The following DRC8 variants were observed in gnomAD, a reference collection of about 807,000 sequenced individuals.
DRC8 encodes the protein dynein regulatory complex protein 8.
chr1:245,014,660 G>A, the DRC8 span, among the ~76,000 whole-genome samples: 1 of 151,590 alleles, frequency 6.6e-6, no homozygotes, highest in Non-Finnish European at 1.5e-5. Flanking sequence ...GGAGTGAGGT[G>A]AGGTGGGGTG....
At chr1:245,107,926 C>T in the DRC8 span, among the ~76,000 whole-genome samples, 1 of 152,146 alleles carries the variant, frequency 6.6e-6, no homozygotes, top group African/African-American at 2.4e-5. Context: ...TCCGCGTCCT[C>T]CTGGAGGCTA....
At chr1:245,017,156 T>C in the DRC8 span, 1 of 1,273,818 alleles carries the variant, frequency 7.9e-7, no homozygotes, top group Non-Finnish European at 1.1e-6. Flanking sequence ...TGCTTACTTA[T>C]TAAGATTGCT....
the DRC8 span, among the ~76,000 whole-genome samples, chr1:245,028,165 A>G: frequency 1.3e-5 from 2 of 152,128 alleles, no homozygotes; most frequent in African/African-American, 4.8e-5. Context: ...TTGGGATTAG[A>G]GGCGTCAGCC....
the DRC8 span, among the ~76,000 whole-genome samples, chr1:245,069,380 C>T: frequency 5.9e-5 from 9 of 152,070 alleles, no homozygotes; most frequent in African/African-American, 1.2e-4. Flanking sequence ...ATAAAGGTCT[C>T]GTCCTCATTG....
At chr1:244,970,638 TCCGCC>T in the DRC8 span, 2,028 of 486,428 alleles carry the variant, frequency 4.2e-3, 69 homozygotes, top group African/African-American at 0.056. Context: ...GGCCCGCCGC[TCCGCC>T]CCGCCCCGCC....
the DRC8 span, among the ~76,000 whole-genome samples, chr1:245,040,451 G>C: frequency 6.6e-6 from 1 of 152,168 alleles, no homozygotes; most frequent in Non-Finnish European, 1.5e-5. Context: ...AGGAGTCAGA[G>C]GATAGGACCA....
At chr1:245,013,836 G>C in the DRC8 span, among the ~76,000 whole-genome samples, 1 of 151,882 alleles carries the variant, frequency 6.6e-6, no homozygotes, top group Admixed American at 6.6e-5. Flanking sequence ...TTTGAGACCA[G>C]TCTGACCAAT....
At chr1:245,070,970 A>G in the DRC8 span, among the ~76,000 whole-genome samples, 7 of 152,318 alleles carry the variant, frequency 4.6e-5, no homozygotes, top group African/African-American at 1.7e-4. Context: ...TCTGGGGGCC[A>G]CAGCATTCAA....
the DRC8 span, among the ~76,000 whole-genome samples, chr1:245,107,852 A>G: frequency 6.6e-6 from 1 of 152,096 alleles, no homozygotes; most frequent in Non-Finnish European, 1.5e-5. Context: ...TGGGCACAAT[A>G]GTCATCATCT....
chr1:245,067,287 C>T, the DRC8 span, among the ~76,000 whole-genome samples: 2 of 152,068 alleles, frequency 1.3e-5, no homozygotes, highest in Non-Finnish European at 2.9e-5. Context: ...CCAACATGAC[C>T]ACGCCTGGCC....
chr1:245,020,984 C>G, the DRC8 span, among the ~76,000 whole-genome samples: 430 of 152,078 alleles, frequency 2.8e-3, 4 homozygotes, highest in African/African-American at 0.01. Flanking sequence ...ACAGATTGAA[C>G]GCAGAACTAG....
chr1:244,976,110 A>G, the DRC8 span, among the ~76,000 whole-genome samples: 1 of 151,860 alleles, frequency 6.6e-6, no homozygotes, highest in Non-Finnish European at 1.5e-5. Flanking sequence ...CTCTACGAAA[A>G]ATACAAAAAT....
chr1:244,983,325 C>T, the DRC8 span, among the ~76,000 whole-genome samples: 2 of 152,038 alleles, frequency 1.3e-5, no homozygotes, highest in Non-Finnish European at 2.9e-5. Context: ...GGTTTTATGT[C>T]CAGCTTTTTT....
At chr1:245,061,747 G>C in the DRC8 span, among the ~76,000 whole-genome samples, 2 of 152,288 alleles carry the variant, frequency 1.3e-5, no homozygotes, top group Admixed American at 1.3e-4. Context: ...ATGTCATATT[G>C]CTAAATGTTC....
At chr1:245,105,630 A>G in the DRC8 span, among the ~76,000 whole-genome samples, 1 of 150,550 alleles carries the variant, frequency 6.6e-6, no homozygotes, top group Non-Finnish European at 1.5e-5. Flanking sequence ...CTCAAAAAAA[A>G]AAAAAAAACA....
At chr1:245,124,845 C>T in the DRC8 span, 1 of 152,344 alleles carries the variant, frequency 6.6e-6, no homozygotes, top group African/African-American at 2.4e-5. Flanking sequence ...CATCTCCACA[C>T]TCCAGTCTCC....
the DRC8 span, among the ~76,000 whole-genome samples, chr1:244,972,558 C>A: frequency 6.6e-5 from 10 of 152,216 alleles, no homozygotes; most frequent in Non-Finnish European, 4.4e-5. Flanking sequence ...CGGTGGCTCA[C>A]GCCTGCAATC....
chr1:245,118,621 G>A, the DRC8 span, among the ~76,000 whole-genome samples: 1 of 151,808 alleles, frequency 6.6e-6, no homozygotes, highest in Non-Finnish European at 1.5e-5. Context: ...GAGAAACCCC[G>A]TCTCTACTAA....
At chr1:245,019,844 A>C in the DRC8 span, among the ~76,000 whole-genome samples, 1 of 152,232 alleles carries the variant, frequency 6.6e-6, no homozygotes, top group Non-Finnish European at 1.5e-5. Context: ...GTGCACCTGT[A>C]GTCCCAGCTG....
Sources: allele counts gnomAD v4.1 joint callset (sites outside exome capture counted in the v4.1 genomes callset), GRCh38; gene constraint gnomAD v4.1.1; transcripts MANE v1.5; gene names NCBI Gene and HGNC (gene_info 2026-07-23, HGNC 2026-07-21).